RAPGEFL1: variants seen among roughly 807,000 people sequenced by gnomAD.
The protein encoded by RAPGEFL1 is rap guanine nucleotide exchange factor-like 1.
RAPGEFL1 carries 31 observed loss-of-function variants against 64.4 expected under a neutral mutation model. The observed-to-expected ratio is 0.48, with a 90% CI of 0.36 to 0.65. The LOEUF is 0.65. Among genes scored for constraint, RAPGEFL1 ranks in the 30% least tolerant of loss-of-function variants. The pLI, the probability that RAPGEFL1 is intolerant of heterozygous loss-of-function variation, is 0.00. For synonymous variants in RAPGEFL1, 331 were observed against 274.1 expected (o/e 1.21, Z -2.05); for missense variants, 682 against 677.4 (o/e 1.01, Z -0.08).
chr17:40,189,257 C>T lies in RAPGEFL1; in HGVS notation c.996C>T (p.Ser332=), dbSNP rs909993605. 1.2e-6 allele frequency: 2 copies of T among 1,614,014 alleles called. No homozygotes were observed. Among genetic ancestry groups the T allele is most frequent in the African/African-American group, 2.7e-5 (2 of 74,928 alleles). The change falls in exon 6 of 15, where the codon AGC becomes AGT. Residue 332 remains serine (S), a synonymous_variant. Coordinates refer to ENST00000620260, the MANE Select transcript of RAPGEFL1 (RefSeq NM_016339.6). ...ACCACTCTTATGTGACCATACGCAG[C>T]CGCCTTTCAGCATCTGTGCAGGACA... The part of the protein sequence containing the change: ...MPDHSYVTIR[S]RLSASVQDIL...
rs1183606636 is a variant in RAPGEFL1 at position 40,191,383 on chromosome 17, T to TGCTGCAGCGCTGCA, written c.1406_1419dup (p.Glu474CysfsTer83). 6.3e-7 allele frequency: 1 copy of TGCTGCAGCGCTGCA among 1,599,668 alleles called. No individual in the cohort carries two copies. The highest frequency in any genetic ancestry group is 8.5e-7 in the Non-Finnish European group (1 of 1,177,536). ...CGGGAGACGGCCAACTTGGAGCTGC[T>TGCTGCAGCGCTGCA]GCTGCAGCGCTGCAGCGAGGTCACG... is the stretch of plus-strand genomic sequence containing the variant. On this transcript the variant is annotated frameshift_variant, in exon 9 of 15. Coordinates refer to ENST00000620260, the MANE Select transcript of RAPGEFL1 (RefSeq NM_016339.6). LOFTEE classifies it high-confidence loss of function. The surrounding 1 kb of genome is among the most constrained non-coding windows in gnomAD (Gnocchi z 5.1).
chr17:40,185,005 G>T (rs1323191818), intron 4 of RAPGEFL1, among the ~76,000 whole-genome samples: 1 of 151,970 alleles, frequency 6.6e-6, no homozygotes, highest in African/African-American at 2.4e-5. Context: ...TGAACTCCTG[G>T]CCTCAAGTGA....
At chr17:40,186,099 C>A (rs1183808635) in intron 4 of RAPGEFL1, among the ~76,000 whole-genome samples, 1 of 148,720 alleles carries the variant, frequency 6.7e-6, no homozygotes, top group African/African-American at 2.5e-5. Flanking sequence ...CATGGTGAAA[C>A]CCCATCTCTA....
intron 4 of RAPGEFL1, among the ~76,000 whole-genome samples, chr17:40,187,352 G>T (rs937916225): frequency 6.6e-6 from 1 of 152,014 alleles, no homozygotes; most frequent in Non-Finnish European, 1.5e-5. Flanking sequence ...CTCAGCTTGT[G>T]GTCTAGCATC....
intron 1 of RAPGEFL1, among the ~76,000 whole-genome samples, chr17:40,178,847 A>G (rs975628760): frequency 8.5e-5 from 13 of 152,216 alleles, no homozygotes; most frequent in Non-Finnish European, 1.6e-4. Context: ...CCAGGGAGGC[A>G]GTGCCAGACA....
chr17:40,191,489 G>T lies in RAPGEFL1; in HGVS notation c.1509G>T (p.Ala503=). ...TGCTCAAGAAGTTCATCAAGATCGC[G>T]GCCCTGTGAGTGCGGCCGTCGGCGG... The part of the protein sequence containing the change: ...AQLLKKFIKI[A]ALCKQNQDLL... The change falls in exon 9 of 15, where the codon GCG becomes GCT. Residue 503 remains alanine, a synonymous_variant. Coordinates refer to ENST00000620260, the MANE Select transcript of RAPGEFL1 (RefSeq NM_016339.6). The surrounding 1 kb of genome is among the most constrained non-coding windows in gnomAD (Gnocchi z 5.1). The T allele has an allele frequency of 6.2e-7, 1 of 1,603,958 alleles. No homozygotes were observed. Among genetic ancestry groups the T allele is most frequent in the Non-Finnish European group, 8.5e-7 (1 of 1,177,178 alleles).
At chr17:40,177,021 C>A (rs1210213462), upstream of RAPGEFL1, 1 of 701,210 alleles carries the variant, frequency 1.4e-6, no homozygotes, top group South Asian at 1.5e-5. Context: ...TTGTGCCCTA[C>A]CAGAGAGGAC....
chr17:40,181,548 G>A, intron 1 of RAPGEFL1, 68 bp from the exon 2 acceptor site: 3 of 697,160 alleles, frequency 4.3e-6, no homozygotes. Flanking sequence ...AGAGAGGGAG[G>A]CACTGCATTT....
chr17:40,180,936 C>T (rs541515744), intron 1 of RAPGEFL1, among the ~76,000 whole-genome samples: 19 of 152,334 alleles, frequency 1.2e-4, no homozygotes, highest in South Asian at 2.1e-4. Flanking sequence ...CAAGTCAGGG[C>T]GACCTTGTAC....
chr17:40,187,903 G>A (rs1380696912), intron 4 of RAPGEFL1, among the ~76,000 whole-genome samples: 1 of 145,764 alleles, frequency 6.9e-6, no homozygotes, highest in Non-Finnish European at 1.5e-5. Flanking sequence ...GTGAGCCACC[G>A]CGCCTGGCCT....
chr17:40,182,353 C>A (rs1388510572), intron 2 of RAPGEFL1, among the ~76,000 whole-genome samples: 1 of 151,642 alleles, frequency 6.6e-6, no homozygotes, highest in Non-Finnish European at 1.5e-5. Context: ...GCTCTGTCAC[C>A]CAGGCTGGAG....
intron 1 of RAPGEFL1, 84 bp downstream of exon 1, chr17:40,178,465 C>T (rs938729251): frequency 1.1e-5 from 5 of 441,360 alleles, no homozygotes; most frequent in East Asian, 1.1e-4. Flanking sequence ...GGGGTGGCGC[C>T]GTGCCGGGGC....
intron 2 of RAPGEFL1, among the ~76,000 whole-genome samples, chr17:40,183,095 C>T (rs2145205010): frequency 6.6e-6 from 1 of 152,284 alleles, no homozygotes; most frequent in South Asian, 2.1e-4. Context: ...TTGCAGTGAG[C>T]TGAGATCATG....
At position 40,191,236 on chromosome 17, in the gene RAPGEFL1, A is replaced by C; in HGVS notation, c.1336-80A>C. ...CCCGCCCTCCTGCCTTTCGCTCCTC[A>C]TCGCCTTGCACTGCCATCTTCCCAC... On this transcript the variant is annotated intron_variant, in intron 8 of 14. Transcript: ENST00000620260. This position sits in a 1 kb window ranked among gnomAD's most constrained non-coding sequence, Gnocchi z 5.1. The C allele has an allele frequency of 7.5e-7, 1 of 1,328,746 alleles. No individual in the cohort carries two copies. Among genetic ancestry groups the C allele is most frequent in the South Asian group, 1.5e-5 (1 of 66,706 alleles). The allele number at this position is 1,328,746 out of a possible 1,614,324, so 82.3% of individuals were successfully genotyped here.
At position 40,191,738 on chromosome 17, in the gene RAPGEFL1, C is replaced by T; in HGVS notation, c.1605+66C>T. 1 of 1,483,570 alleles carries T rather than the reference C, an allele frequency of 6.7e-7. No homozygotes were observed. Among genetic ancestry groups the T allele is most frequent in the Non-Finnish European group, 9.2e-7 (1 of 1,081,990 alleles). 91.9% of individuals were successfully genotyped at this position (1,483,570 alleles called of 1,614,324 possible). A position where few individuals can be genotyped will look rare whatever the true frequency, so the allele number is the denominator to read the frequency against. On this transcript the variant is annotated intron_variant, in intron 10 of 14. Transcript: ENST00000620260. The surrounding 1 kb of genome is among the most constrained non-coding windows in gnomAD (Gnocchi z 5.1). Reference sequence around the variant, plus strand: ...TCCCGGGCTCCCCGAAGTGCGTCCTCCCGGGACGGCCGCCGGCCTGGAGGG... The same window carrying T: ...TCCCGGGCTCCCCGAAGTGCGTCCTTCCGGGACGGCCGCCGGCCTGGAGGG...
chr17:40,178,889 AG>A (rs1473621721), intron 1 of RAPGEFL1, among the ~76,000 whole-genome samples: 4 of 152,210 alleles, frequency 2.6e-5, no homozygotes, highest in South Asian at 2.1e-4. Flanking sequence ...TTTAGGCATC[AG>A]CAAAGGGATG....
chr17:40,186,934 G>GT (rs1388427730), intron 4 of RAPGEFL1, among the ~76,000 whole-genome samples: 2 of 149,620 alleles, frequency 1.3e-5, no homozygotes, highest in Non-Finnish European at 1.5e-5. Context: ...GAAGGAAACT[G>GT]TTTTTTTGGT....
chr17:40,182,401 T>C (rs1198515470), intron 2 of RAPGEFL1, among the ~76,000 whole-genome samples: 1 of 151,064 alleles, frequency 6.6e-6, no homozygotes, highest in African/African-American at 2.4e-5. Context: ...AGCCTCTGCC[T>C]CCTGGGTTCA....
intron 13 of RAPGEFL1, 50 bp from the exon 14 acceptor site, chr17:40,193,313 G>A: frequency 6.4e-7 from 1 of 1,569,874 alleles, no homozygotes; most frequent in Middle Eastern, 1.7e-4. Flanking sequence ...CATAAGAGGG[G>A]GAGCCTCTTT....
Sources: allele counts gnomAD v4.1 joint callset (sites outside exome capture counted in the v4.1 genomes callset), GRCh38; gene constraint gnomAD v4.1.1; non-coding constraint Gnocchi (gnomAD v3.1); transcripts MANE v1.5; gene names NCBI Gene and HGNC (gene_info 2026-07-23, HGNC 2026-07-21).